The following ZNF417 variants were observed in gnomAD, a reference collection of about 807,000 sequenced individuals.
ZNF417 encodes zinc finger protein 417.
A neutral mutation model predicts 7.4 loss-of-function variants in ZNF417; 5 were observed. The ratio of observed to expected loss-of-function variants is 0.68; its 90% confidence interval spans 0.35 to 1.43. The LOEUF (loss-of-function observed/expected upper bound fraction) is 1.43, where lower values mean the gene tolerates loss of function less well. Ranked by LOEUF, ZNF417 falls within the 40% of genes most tolerant of loss-of-function variation. The pLI is 0.04. For synonymous variants in ZNF417, 147 were observed against 239.1 expected (o/e 0.61, Z 3.55); for missense variants, 437 against 697.3 (o/e 0.63, Z 4.20).
At chr19:57,913,984 G>T (rs895976021) in intron 1 of ZNF417, among the ~76,000 whole-genome samples, 8 of 152,170 alleles carry the variant, frequency 5.3e-5, no homozygotes, top group Non-Finnish European at 1.0e-4. Context: ...ACCCCATCCT[G>T]TATGTCTAGT....
At chr19:57,911,384 C>T (rs1327327918) in intron 2 of ZNF417, among the ~76,000 whole-genome samples, 1 of 152,110 alleles carries the variant, frequency 6.6e-6, no homozygotes, top group Non-Finnish European at 1.5e-5. Context: ...TGGATAAACC[C>T]CTGAAGTCAT....
chr19:57,914,347 G>T (rs1348366092), intron 1 of ZNF417, among the ~76,000 whole-genome samples: 1 of 151,914 alleles, frequency 6.6e-6, no homozygotes, highest in East Asian at 1.9e-4. Context: ...TTAGCTGGGC[G>T]TGGTGGCAAG....
chr19:57,912,994 TA>T (rs1291981389), intron 1 of ZNF417, among the ~76,000 whole-genome samples: 1 of 151,856 alleles, frequency 6.6e-6, no homozygotes, highest in East Asian at 1.9e-4. Context: ...TTTGTTTCCA[TA>T]ACTCTGCTGG....
intron 1 of ZNF417, among the ~76,000 whole-genome samples, chr19:57,916,174 G>C (rs1386776764): frequency 6.6e-6 from 1 of 152,242 alleles, no homozygotes; most frequent in Non-Finnish European, 1.5e-5. Context: ...AATCGGCTCT[G>C]TCTAGGCAGC....
chr19:57,915,036 G>A (rs2071935155), intron 1 of ZNF417, among the ~76,000 whole-genome samples: 1 of 152,160 alleles, frequency 6.6e-6, no homozygotes, highest in African/African-American at 2.4e-5. Context: ...AGTGCCTGAG[G>A]GGAGAGGCAG....
rs1462310417 is a variant in ZNF417, at chr19:57,912,192, A to G, written c.34-3T>C. 14 of 1,612,098 alleles carry G rather than the reference A, an allele frequency of 8.7e-6. No individual in the cohort carries two copies. The Admixed American group carries it at 2.0e-4, about 23-fold the overall frequency. On this transcript the variant is annotated splice_region_variant and splice_polypyrimidine_tract_variant and intron_variant, in intron 1 of 2. Transcript: ENST00000312026. ...TCTTCAAAGGTCACAGTGCCCTGCT[A>G]TGATAGTGACAGATGAAACCACAAA...
intron 1 of ZNF417, among the ~76,000 whole-genome samples, chr19:57,914,119 T>TAA (rs1454030593): frequency 6.6e-6 from 1 of 152,196 alleles, no homozygotes; most frequent in Non-Finnish European, 1.5e-5. Flanking sequence ...CGTCCATGGT[T>TAA]ACAGCTGCTA....
rs555387746 is a variant in ZNF417, at chr19:57,910,229, C to T, written c.164-115G>A. 4.0e-5 allele frequency: 59 copies of T among 1,479,362 alleles called. No individual in the cohort carries two copies. In the African/African-American group the frequency reaches 7.3e-4, roughly 18 times the overall value. The allele number at this position is 1,479,362 out of a possible 1,614,324, so 91.6% of individuals were successfully genotyped here. A position where few individuals can be genotyped will look rare whatever the true frequency, so the allele number is the denominator to read the frequency against. On this transcript the variant is annotated intron_variant, in intron 2 of 2. Transcript: ENST00000312026. ...TAATCTATAGAAATATTTGCAGGAA[C>T]ACAATGTTGGCTTCAAGTTGAAGAT...
In ZNF417 at chr19:57,909,145, C is replaced by G. The variant is rs1332457230; in HGVS notation, c.1133G>C (p.Arg378Thr). 6.2e-7 allele frequency: 1 copy of G among 1,614,082 alleles called. No individual in the cohort carries two copies. Among genetic ancestry groups the G allele is most frequent in the African/African-American group, 1.3e-5 (1 of 74,930 alleles). The change falls in exon 3 of 3, where the codon AGG becomes ACG. Residue 378 changes from arginine to threonine, a missense_variant. Physicochemically the swap from Arg to Thr is moderately conservative, Grantham distance 71. Transcript: ENST00000312026. The stretch of plus-strand genomic sequence containing the variant: ...TCCACATTCTCCACACTTGTAAGGC[C>G]TTTCTCCAGTGTGAACACGCTGATG... Reference protein sequence around the residue: ...INHQRVHTGERPYKCGECGKS... With the variant: ...INHQRVHTGETPYKCGECGKS...
rs1441198354 is a variant in ZNF417, at chr19:57,908,839, G to A, written c.1439C>T (p.Thr480Ile). ...TCCAGTGTGAATCCTCTGATGTATA[G>A]TCACGCAGTTCTTATTACCAAATAA... ...GKLFGNKNCV[T>I]IHQRIHTGER... Residue 480 changes from threonine to isoleucine, a missense_variant, in exon 3 of 3, where the codon ACT becomes ATT. Thr to Ile is a moderately conservative substitution (Grantham distance 89). This residue lies in a region of ZNF417 where 233 missense variants were observed against 235.5 expected (regional missense o/e 0.99). Transcript: ENST00000312026. 1.2e-6 allele frequency: 2 copies of A among 1,613,424 alleles called. No homozygotes were observed. The highest frequency in any genetic ancestry group is 2.7e-5 in the African/African-American group (2 of 74,744).
chr19:57,912,784 T>C (rs1276151128), intron 1 of ZNF417, among the ~76,000 whole-genome samples: 1 of 143,798 alleles, frequency 7.0e-6, no homozygotes, highest in Non-Finnish European at 1.5e-5. Flanking sequence ...AATTTTTGTA[T>C]TTTTTTTTTT....
rs368787853 is a variant in ZNF417, at chr19:57,914,073, A to G, written c.34-1884T>C. On this transcript the variant is annotated intron_variant, in intron 1 of 2. Coordinates refer to ENST00000312026, the MANE Select transcript of ZNF417 (RefSeq NM_152475.3). Reference sequence around the variant, plus strand: ...AACACTCTTGATATCCACAGTCAATATTATGTCAATACCAACTTCATGTCA... The same window carrying G: ...AACACTCTTGATATCCACAGTCAATGTTATGTCAATACCAACTTCATGTCA... Among the ~76,000 whole-genome samples the G allele has an allele frequency of 1.8e-4, 27 of 152,312 alleles. No individual in the cohort carries two copies. The East Asian group carries it at 5.0e-3, about 28-fold the overall frequency.
At chr19:57,910,163 G>T (rs376575518) in intron 2 of ZNF417, 49 bp from the exon 3 acceptor site, 1 of 1,573,302 alleles carries the variant, frequency 6.4e-7, no homozygotes. Flanking sequence ...CTGACGGGAA[G>T]GCACAGCCCA....
chr19:57,913,915 G>T (rs1408316173), intron 1 of ZNF417, among the ~76,000 whole-genome samples: 2 of 152,106 alleles, frequency 1.3e-5, no homozygotes, highest in African/African-American at 4.8e-5. Flanking sequence ...CTAACTTACT[G>T]AAGTTCACCC....
rs1286394200 is a variant in ZNF417, at chr19:57,912,211, C to A, written c.34-22G>T. On this transcript the variant is annotated intron_variant, in intron 1 of 2. Coordinates refer to ENST00000312026, the MANE Select transcript of ZNF417 (RefSeq NM_152475.3). ...CCTGCTATGATAGTGACAGATGAAA[C>A]CACAAACAGCCCCTCTGCTGAGGTA... 2.5e-6 allele frequency: 4 copies of A among 1,612,164 alleles called. No individual in the cohort carries two copies. The South Asian group carries it at 4.4e-5, about 18-fold the overall frequency.
intron 2 of ZNF417, among the ~76,000 whole-genome samples, chr19:57,911,716 G>A (rs2071900641): frequency 6.6e-6 from 1 of 152,164 alleles, no homozygotes; most frequent in Non-Finnish European, 1.5e-5. Context: ...TCTTGGCACA[G>A]GGAGGCACAA....
At chr19:57,910,533 C>G (rs959671895) in intron 2 of ZNF417, among the ~76,000 whole-genome samples, 2 of 151,718 alleles carry the variant, frequency 1.3e-5, no homozygotes, top group Non-Finnish European at 2.9e-5. Flanking sequence ...GATAACAGAG[C>G]GAGACTCCAT....
intron 1 of ZNF417, among the ~76,000 whole-genome samples, chr19:57,913,270 A>T (rs944027121): frequency 4.6e-5 from 7 of 152,220 alleles, no homozygotes; most frequent in African/African-American, 1.7e-4. Flanking sequence ...TCCAATATTA[A>T]CACAGAATTT....
At chr19:57,915,281 G>C (rs2071937570) in intron 1 of ZNF417, 1 of 178,034 alleles carries the variant, frequency 5.6e-6, no homozygotes, top group Non-Finnish European at 1.2e-5. Context: ...TAAAAGCCTG[G>C]ATTTGGATCA....
Sources: gnomAD v4.1 joint callset for allele counts (sites outside exome capture counted in the v4.1 genomes callset) on GRCh38, gnomAD v4.1.1 for gene constraint, gnomAD v4.1.1 regional missense constraint, MANE v1.5 for transcripts, NCBI Gene and HGNC (gene_info 2026-07-23, HGNC 2026-07-21) for gene names.